TRERF1: variants seen among roughly 807,000 people sequenced by gnomAD.
TRERF1 encodes the protein transcriptional regulating factor 1.
In TRERF1, 27 loss-of-function variants were observed where a neutral mutation model predicts 122.9. That is an observed-to-expected ratio of 0.22 (90% CI 0.16 to 0.30). TRERF1 has a LOEUF of 0.30. Among genes scored for constraint, TRERF1 ranks in the 10% least tolerant of loss-of-function variants. The pLI is 1.00. For synonymous variants in TRERF1, 636 were observed against 641.7 expected, an observed-to-expected ratio of 0.99 and a Z score of 0.13; for missense variants, 1,248 against 1,560.3, an observed-to-expected ratio of 0.80 and a Z score of 3.37.
At chr6:42,246,638 G>C in intron 13 of TRERF1, 94 bp from the exon 14 acceptor site, 1 of 859,226 alleles carries the variant, frequency 1.2e-6, no homozygotes, top group Non-Finnish European at 1.8e-6. Context: ...TACAACTACA[G>C]AGCAAGTGAT....
At chr6:42,233,349 G>A (rs1284617650) in intron 16 of TRERF1, among the ~76,000 whole-genome samples, 4 of 148,336 alleles carry the variant, frequency 2.7e-5, no homozygotes, top group South Asian at 2.1e-4. Flanking sequence ...GTGGTGGTGC[G>A]GTCTCAGCTC....
At chr6:42,356,705 G>A (rs1481926590) in intron 3 of TRERF1, among the ~76,000 whole-genome samples, 1 of 152,120 alleles carries the variant, frequency 6.6e-6, no homozygotes, top group African/African-American at 2.4e-5. Flanking sequence ...CTCCCGAGTA[G>A]CTGGGATTAC....
chr6:42,250,992 CTTTTT>C, intron 13 of TRERF1, among the ~76,000 whole-genome samples: 1 of 97,602 alleles, frequency 1.0e-5, no homozygotes, highest in African/African-American at 4.2e-5. Flanking sequence ...TCTTTTGCTT[CTTTTT>C]TTTTTTTTTT....
chr6:42,329,217 C>T (rs74998899), intron 3 of TRERF1, among the ~76,000 whole-genome samples: 16,203 of 152,022 alleles, frequency 0.11, 1,465 homozygotes, highest in African/African-American at 0.24. Flanking sequence ...GGAACAGCCC[C>T]TCCTCTTGAC....
intron 2 of TRERF1, among the ~76,000 whole-genome samples, chr6:42,436,814 A>AAAAAATAT (rs61427173): frequency 1.8e-3 from 122 of 66,682 alleles, no homozygotes; most frequent in Non-Finnish European, 2.7e-3. Flanking sequence ...AAAAAAAAAA[A>AAAAAATAT]ATATATATAT....
chr6:42,269,749 T>C lies in TRERF1; in HGVS notation c.-159A>G. ...ACGTGGCTGGAGCCAGGTGTTCCTG[T>C]TGGCCTGTACCACTCATGTGCAGGG... On this transcript the variant is annotated 5_prime_UTR_variant, in exon 5 of 18. Coordinates refer to ENST00000372922, the Ensembl canonical transcript of TRERF1. The surrounding 1 kb of genome is among the most constrained non-coding windows in gnomAD (Gnocchi z 4.9). 6.9e-7 allele frequency: 1 copy of C among 1,447,950 alleles called. No homozygotes were observed. The highest frequency in any genetic ancestry group is 9.0e-7 in the Non-Finnish European group (1 of 1,107,434). The allele number at this position is 1,447,950 out of a possible 1,614,324, so 89.7% of individuals were successfully genotyped here. A position where few individuals can be genotyped will look rare whatever the true frequency, so the allele number is the denominator to read the frequency against.
intron 2 of TRERF1, among the ~76,000 whole-genome samples, chr6:42,413,682 C>T (rs539450780): frequency 6.6e-6 from 1 of 152,264 alleles, no homozygotes; most frequent in East Asian, 1.9e-4. Flanking sequence ...CCCGCCACAG[C>T]CTCCCAAAGT....
chr6:42,264,671 C>G lies in TRERF1; in HGVS notation c.1635+33G>C. ...GCAAAGCAAAGCAAGCAGCACACGA[C>G]CTAGAAAGGACCGGGAACTGGCTCC... On this transcript the variant is annotated intron_variant, in intron 7 of 17. Transcript: ENST00000372922. 3.7e-6 allele frequency: 6 copies of G among 1,609,332 alleles called. No homozygotes were observed. The South Asian group carries it at 6.6e-5, about 18-fold the overall frequency.
chr6:42,291,993 G>A (rs1254778558), intron 4 of TRERF1, among the ~76,000 whole-genome samples: 1 of 152,166 alleles, frequency 6.6e-6, no homozygotes, highest in Admixed American at 6.5e-5. Context: ...CACTGGCATA[G>A]TGAGTCCCTC....
chr6:42,429,269 C>A (rs1784116887), intron 2 of TRERF1, among the ~76,000 whole-genome samples: 1 of 152,190 alleles, frequency 6.6e-6, no homozygotes, highest in Non-Finnish European at 1.5e-5. Context: ...TCTGGAGAAA[C>A]CCCCTGCCCT....
At chr6:42,345,332 T>C (rs1268743980) in intron 3 of TRERF1, among the ~76,000 whole-genome samples, 4 of 152,126 alleles carry the variant, frequency 2.6e-5, no homozygotes, top group African/African-American at 7.2e-5. Context: ...CACACACACA[T>C]ACACACACAC....
chr6:42,265,945 A>C, intron 5 of TRERF1, 148 bp from the exon 6 acceptor site: 2 of 766,806 alleles, frequency 2.6e-6, no homozygotes, highest in South Asian at 1.7e-5. Context: ...ATGTCCACTC[A>C]CTCCCTCACT....
chr6:42,373,635 C>G (rs1774204662), intron 2 of TRERF1, among the ~76,000 whole-genome samples: 1 of 152,036 alleles, frequency 6.6e-6, no homozygotes, highest in Non-Finnish European at 1.5e-5. Context: ...CCACTGCACT[C>G]CAGCCTGGGC....
At chr6:42,357,981 G>A (rs1280825696) in intron 3 of TRERF1, among the ~76,000 whole-genome samples, 2 of 152,112 alleles carry the variant, frequency 1.3e-5, no homozygotes, top group African/African-American at 4.8e-5. Context: ...GCAAGTGACT[G>A]CTACAAGTAT....
intron 3 of TRERF1, among the ~76,000 whole-genome samples, chr6:42,314,730 G>A (rs1762208662): frequency 6.6e-6 from 1 of 152,206 alleles, no homozygotes; most frequent in Admixed American, 6.5e-5. Flanking sequence ...TAAGAACAAT[G>A]AGATCTGGGG....
chr6:42,418,721 G>A (rs913744197), intron 2 of TRERF1, among the ~76,000 whole-genome samples: 1 of 152,096 alleles, frequency 6.6e-6, no homozygotes, highest in Non-Finnish European at 1.5e-5. Flanking sequence ...GCTGCCTGTG[G>A]CCTGCGGCAG....
At chr6:42,317,204 C>T (rs1447215414) in intron 3 of TRERF1, among the ~76,000 whole-genome samples, 1 of 152,092 alleles carries the variant, frequency 6.6e-6, no homozygotes, top group African/African-American at 2.4e-5. Flanking sequence ...TAACTCCAGT[C>T]TTTCTGCTTG....
At chr6:42,272,180 T>C (rs191772529) in intron 4 of TRERF1, among the ~76,000 whole-genome samples, 48 of 152,370 alleles carry the variant, frequency 3.2e-4, no homozygotes, top group African/African-American at 1.1e-3. Flanking sequence ...TTTTAAAAGA[T>C]TCTTTTAGGG....
At chr6:42,343,926 C>G (rs1446184424) in intron 3 of TRERF1, among the ~76,000 whole-genome samples, 1 of 152,208 alleles carries the variant, frequency 6.6e-6, no homozygotes, top group East Asian at 1.9e-4. Context: ...CGTGGGGAGG[C>G]CAGCAGAGCT....
Sources: gnomAD v4.1 joint callset for allele counts (sites outside exome capture counted in the v4.1 genomes callset) on GRCh38, gnomAD v4.1.1 for gene constraint, Gnocchi (gnomAD v3.1) non-coding constraint, MANE v1.5 for transcripts, NCBI Gene and HGNC (gene_info 2026-07-23, HGNC 2026-07-21) for gene names.